ATP11A: variants seen among roughly 807,000 people sequenced by gnomAD.
The protein encoded by ATP11A is phospholipid-transporting ATPase IH.
ATP11A carries 81 observed loss-of-function variants against 154.4 expected under a neutral mutation model. The ratio of observed to expected loss-of-function variants is 0.52; its 90% CI spans 0.44 to 0.63. The LOEUF (loss-of-function observed/expected upper bound fraction) is 0.63, where lower values mean the gene tolerates loss of function less well. Ranked by LOEUF, ATP11A falls within the 30% of genes least tolerant of loss-of-function variation. The pLI is 0.00. For missense variants in ATP11A, 1,316 were observed against 1,474.3 expected (o/e 0.89, Z 1.76); for synonymous variants, 623 against 585.9 (o/e 1.06, Z -0.91).
chr13:112,702,664 A>G (rs781742702), intron 1 of ATP11A, among the ~76,000 whole-genome samples: 1 of 152,202 alleles, frequency 6.6e-6, no homozygotes, highest in African/African-American at 2.4e-5. Context: ...CGTTCTGCTG[A>G]TATCTATCCC....
Position 112,816,037 on chromosome 13 carries a change from CA to C in ATP11A, c.442-45del, listed in dbSNP as rs758394942. Reference sequence around the variant, plus strand: ...CGGTCCCACAGGACGGGCAAGCTTTCACGGAGGGGCTTTCCATTGACCATCC... The same window carrying C: ...CGGTCCCACAGGACGGGCAAGCTTTCCGGAGGGGCTTTCCATTGACCATCC... On this transcript the variant is annotated intron_variant, in intron 5 of 29. Coordinates refer to ENST00000375645, the MANE Select transcript of ATP11A (RefSeq NM_015205.3). The C allele has an allele frequency of 5.6e-6, 9 of 1,610,970 alleles. No homozygotes were observed. In the Admixed American group the frequency reaches 1.5e-4, roughly 27 times the overall value.
chr13:112,707,663 G>A (rs1331709478), intron 1 of ATP11A, among the ~76,000 whole-genome samples: 3 of 152,108 alleles, frequency 2.0e-5, no homozygotes, highest in African/African-American at 7.2e-5. Flanking sequence ...TGAGCTGAGC[G>A]AGAATCAAAA....
chr13:112,826,591 C>A lies in ATP11A; in HGVS notation c.1024-103C>A. 4 of 919,358 alleles carry A rather than the reference C, an allele frequency of 4.4e-6. No homozygotes were observed. The East Asian group carries it at 9.7e-5, about 22-fold the overall frequency. The allele number at this position is 919,358 out of a possible 1,614,324, so 57.0% of individuals were successfully genotyped here. The stretch of plus-strand genomic sequence containing the variant: ...TCTGAAATCTTGTATTTAGTAGTAG[C>A]GCTCGTATAACTTATGCCTAAGCCT... On this transcript the variant is annotated intron_variant, in intron 11 of 29. Coordinates refer to ENST00000375645, the MANE Select transcript of ATP11A (RefSeq NM_015205.3).
At chr13:112,727,797 C>A (rs1318514696) in intron 1 of ATP11A, among the ~76,000 whole-genome samples, 1 of 152,280 alleles carries the variant, frequency 6.6e-6, no homozygotes, top group Non-Finnish European at 1.5e-5. Flanking sequence ...TAAACTCTGG[C>A]TTCGTGCAGC....
chr13:112,734,221 C>T (rs1014002683), intron 1 of ATP11A, among the ~76,000 whole-genome samples: 3 of 152,098 alleles, frequency 2.0e-5, no homozygotes, highest in Non-Finnish European at 4.4e-5. Context: ...GACATGCGAG[C>T]TCAGCTGTTC....
chr13:112,762,166 C>T (rs374168417), intron 1 of ATP11A, among the ~76,000 whole-genome samples: 57 of 152,322 alleles, frequency 3.7e-4, no homozygotes, highest in African/African-American at 1.3e-3. Context: ...GGGCAGCTAA[C>T]TGCAGACCTC....
intron 4 of ATP11A, among the ~76,000 whole-genome samples, chr13:112,808,374 G>A (rs873345): frequency 0.3 from 45,771 of 151,660 alleles, 7,038 homozygotes; most frequent in Middle Eastern, 0.35. Context: ...TGCCCAGAGG[G>A]GTCTCTTCCT....
intron 25 of ATP11A, among the ~76,000 whole-genome samples, chr13:112,864,938 G>A (rs376660585): frequency 0.025 from 967 of 38,790 alleles, 60 homozygotes; most frequent in African/African-American, 0.058. Flanking sequence ...AATTCAGTGC[G>A]GCCCATGCAG....
At chr13:112,844,950 G>A (rs1314348290) in intron 17 of ATP11A, among the ~76,000 whole-genome samples, 1 of 151,282 alleles carries the variant, frequency 6.6e-6, no homozygotes, top group African/African-American at 2.4e-5. Context: ...CAGTTGCCGG[G>A]CACTAGCAGT....
chr13:112,843,106 G>A (rs1241713082), intron 17 of ATP11A, among the ~76,000 whole-genome samples: 6 of 150,436 alleles, frequency 4.0e-5, no homozygotes, highest in East Asian at 2.0e-4. Flanking sequence ...AGGTCCTAAC[G>A]CCGAGCGACG....
At chr13:112,792,185 A>T (rs1034430568) in intron 2 of ATP11A, among the ~76,000 whole-genome samples, 1 of 152,318 alleles carries the variant, frequency 6.6e-6, no homozygotes, top group African/African-American at 2.4e-5. Flanking sequence ...CAGGAAGGAA[A>T]GGCCCTCAGA....
intron 17 of ATP11A, among the ~76,000 whole-genome samples, chr13:112,842,817 G>A (rs2079462004): frequency 6.6e-6 from 1 of 152,230 alleles, no homozygotes; most frequent in African/African-American, 2.4e-5. Flanking sequence ...TCCCCATCTG[G>A]GTCTTAAGCT....
intron 24 of ATP11A, 29 bp downstream of exon 24, chr13:112,860,443 G>C (rs1349212783): frequency 3.1e-6 from 5 of 1,612,798 alleles, no homozygotes; most frequent in Non-Finnish European, 4.2e-6. Context: ...CCTCTCCTGA[G>C]AGCAGAGAGA....
chr13:112,789,447 G>T (rs779794273), intron 2 of ATP11A, among the ~76,000 whole-genome samples: 2 of 135,312 alleles, frequency 1.5e-5, no homozygotes, highest in Non-Finnish European at 3.0e-5. Context: ...CCGGTATCCT[G>T]ACATATAGAC....
At chr13:112,786,073 T>A (rs1191886999) in intron 2 of ATP11A, among the ~76,000 whole-genome samples, 1 of 85,714 alleles carries the variant, frequency 1.2e-5, no homozygotes, top group Non-Finnish European at 2.4e-5. Context: ...TCAGACTCCA[T>A]TTATCCTCAC....
intron 25 of ATP11A, among the ~76,000 whole-genome samples, chr13:112,864,790 T>G: frequency 4.9e-5 from 1 of 20,398 alleles, no homozygotes; most frequent in South Asian, 1.8e-3. Flanking sequence ...ATGCAGCTTC[T>G]CAGCGGGGTC....
At chr13:112,777,031 A>G (rs372999356) in intron 1 of ATP11A, among the ~76,000 whole-genome samples, 1 of 152,134 alleles carries the variant, frequency 6.6e-6, no homozygotes, top group Non-Finnish European at 1.5e-5. Context: ...GCCTCTCTGC[A>G]CCGCGGGTTT....
At chr13:112,864,324 A>C (rs373647593) in intron 25 of ATP11A, among the ~76,000 whole-genome samples, 35 of 26,322 alleles carry the variant, frequency 1.3e-3, no homozygotes, top group East Asian at 3.3e-3. Context: ...CCATCACCAC[A>C]TGGGCAGTAA....
chr13:112,834,903 A>G (rs1206525530), intron 15 of ATP11A, among the ~76,000 whole-genome samples: 1 of 152,212 alleles, frequency 6.6e-6, no homozygotes, highest in Non-Finnish European at 1.5e-5. Flanking sequence ...GGAGATGTAA[A>G]TTGGAGTTCA....
Sources: allele counts gnomAD v4.1 joint callset (sites outside exome capture counted in the v4.1 genomes callset), GRCh38; gene constraint gnomAD v4.1.1; transcripts MANE v1.5; gene names NCBI Gene and HGNC (gene_info 2026-07-23, HGNC 2026-07-21).